Variants in OXR1 observed in about 807,000 individuals in gnomAD.
The protein encoded by OXR1 is oxidation resistance 1.
A neutral mutation model predicts 104.6 loss-of-function variants in OXR1; 41 were observed. The ratio of observed to expected loss-of-function variants is 0.39; its 90% confidence interval spans 0.31 to 0.51. OXR1 has a LOEUF of 0.51. Among genes scored for constraint, OXR1 ranks in the 20% least tolerant of loss-of-function variants. The probability of loss-of-function intolerance (pLI) is 0.77; values close to 1 mark genes in which losing one functional copy is unlikely to be tolerated. For synonymous variants in OXR1, 348 were observed against 348.4 expected (o/e 1.00, Z 0.01); for missense variants, 955 against 1,031.9 (o/e 0.93, Z 1.02).
chr8:106,698,750 A>C (rs935982783), intron 7 of OXR1, among the ~76,000 whole-genome samples: 1 of 152,054 alleles, frequency 6.6e-6, no homozygotes. Flanking sequence ...TTCCATATCC[A>C]TACTGTGTAT....
At chr8:106,395,061 G>A (rs1817723060) in intron 2 of OXR1, among the ~76,000 whole-genome samples, 1 of 151,920 alleles carries the variant, frequency 6.6e-6, no homozygotes, top group Non-Finnish European at 1.5e-5. Context: ...TGTTTTCACT[G>A]GAAACTGAAA....
chr8:106,647,326 C>A (rs1168724265), intron 3 of OXR1, among the ~76,000 whole-genome samples: 1 of 152,034 alleles, frequency 6.6e-6, no homozygotes, highest in Non-Finnish European at 1.5e-5. Context: ...ATTGAAAGGC[C>A]GTATTAAATC....
At chr8:106,649,943 A>G (rs1158166749) in intron 3 of OXR1, among the ~76,000 whole-genome samples, 1 of 152,032 alleles carries the variant, frequency 6.6e-6, no homozygotes, top group Non-Finnish European at 1.5e-5. Context: ...TGATCCGCCC[A>G]CCTTGGCCTC....
intron 3 of OXR1, among the ~76,000 whole-genome samples, chr8:106,588,214 C>T (rs1450883543): frequency 1.3e-5 from 2 of 152,134 alleles, no homozygotes; most frequent in African/African-American, 2.4e-5. Context: ...CCACCTCGGC[C>T]TCCCAAAGTG....
intron 11 of OXR1, among the ~76,000 whole-genome samples, chr8:106,720,907 AATTT>A (rs1417273339): frequency 6.6e-6 from 1 of 152,210 alleles, no homozygotes; most frequent in Non-Finnish European, 1.5e-5. Context: ...TCAGCTTTAT[AATTT>A]ATTTGTTGTA....
intron 11 of OXR1, among the ~76,000 whole-genome samples, chr8:106,727,285 A>G (rs1833438315): frequency 6.6e-6 from 1 of 152,118 alleles, no homozygotes; most frequent in Non-Finnish European, 1.5e-5. Context: ...GTTTGCAAAG[A>G]CTTCAATACA....
chr8:106,707,459 A>G, intron 9 of OXR1: 2 of 492,106 alleles, frequency 4.1e-6, no homozygotes, highest in Non-Finnish European at 7.1e-6. Context: ...ACCTTTGATC[A>G]CTCCATTTTC....
At chr8:106,301,592 A>G (rs553883659) in intron 1 of OXR1, among the ~76,000 whole-genome samples, 25 of 152,306 alleles carry the variant, frequency 1.6e-4, no homozygotes, top group Non-Finnish European at 2.6e-4. Context: ...ATTTTATCCA[A>G]TCAAGACACC....
chr8:106,446,738 C>T (rs1820025845), intron 2 of OXR1, among the ~76,000 whole-genome samples: 1 of 151,976 alleles, frequency 6.6e-6, no homozygotes, highest in Non-Finnish European at 1.5e-5. Context: ...CAAGACCAGC[C>T]TGGGCAACAT....
intron 2 of OXR1, among the ~76,000 whole-genome samples, chr8:106,401,223 T>C (rs1171162073): frequency 6.6e-6 from 1 of 152,160 alleles, no homozygotes; most frequent in Non-Finnish European, 1.5e-5. Flanking sequence ...ACGAGAAAGA[T>C]GTCCCTTACC....
chr8:106,497,448 GC>G (rs1312578282), intron 2 of OXR1, among the ~76,000 whole-genome samples: 1 of 152,064 alleles, frequency 6.6e-6, no homozygotes, highest in East Asian at 1.9e-4. Flanking sequence ...AATTTTCCCT[GC>G]CTGCCTTGCT....
intron 2 of OXR1, among the ~76,000 whole-genome samples, chr8:106,432,727 CT>C (rs1043283724): frequency 4.6e-5 from 7 of 152,168 alleles, no homozygotes; most frequent in Admixed American, 3.9e-4. Context: ...ATGCATTTAT[CT>C]GTTTTCTGTC....
chr8:106,394,319 G>C (rs926625471), intron 2 of OXR1, among the ~76,000 whole-genome samples: 20 of 147,604 alleles, frequency 1.4e-4, no homozygotes, highest in African/African-American at 5.0e-4. Flanking sequence ...AAAAAAAAAA[G>C]ATAAAACAAT....
intron 9 of OXR1, among the ~76,000 whole-genome samples, chr8:106,708,813 G>A (rs1003828052): frequency 6.6e-6 from 1 of 151,990 alleles, no homozygotes; most frequent in Non-Finnish European, 1.5e-5. Flanking sequence ...GGATCATGTG[G>A]TAACTCTATG....
intron 2 of OXR1, among the ~76,000 whole-genome samples, chr8:106,412,640 T>C (rs1473012642): frequency 6.6e-6 from 1 of 152,136 alleles, no homozygotes; most frequent in Non-Finnish European, 1.5e-5. Context: ...CCCAAAACTT[T>C]ATTCTCAAAT....
intron 11 of OXR1, among the ~76,000 whole-genome samples, chr8:106,733,058 ATCTT>A (rs1315702572): frequency 1.3e-5 from 2 of 152,212 alleles, no homozygotes; most frequent in East Asian, 1.9e-4. Context: ...TTAAATACAT[ATCTT>A]TCTTTCTTTT....
intron 2 of OXR1, among the ~76,000 whole-genome samples, chr8:106,424,889 C>T (rs1214360978): frequency 3.3e-5 from 5 of 151,768 alleles, no homozygotes; most frequent in Non-Finnish European, 7.4e-5. Context: ...TTTGTATTCA[C>T]ATTTCTTCCT....
chr8:106,657,976 C>A (rs1046129475), intron 3 of OXR1: 2 of 1,248,376 alleles, frequency 1.6e-6, no homozygotes, highest in Admixed American at 4.2e-5. Context: ...CGCGTCCAGC[C>A]CCGCGGCAGC....
At chr8:106,748,052 G>C (rs1178078583) in intron 16 of OXR1, among the ~76,000 whole-genome samples, 1 of 152,098 alleles carries the variant, frequency 6.6e-6, no homozygotes, top group Non-Finnish European at 1.5e-5. Context: ...CGCTTTTAAG[G>C]CTCATGGATT....
Sources: allele counts gnomAD v4.1 joint callset (sites outside exome capture counted in the v4.1 genomes callset), GRCh38; gene constraint gnomAD v4.1.1; transcripts MANE v1.5; gene names NCBI Gene and HGNC (gene_info 2026-07-23, HGNC 2026-07-21).